Variants in KCNAB2 observed in about 807,000 individuals in gnomAD.
KCNAB2 encodes potassium voltage-gated channel subfamily A regulatory beta subunit 2, also known as voltage-gated potassium channel subunit beta-2.
KCNAB2 carries 29 observed loss-of-function variants against 63.6 expected under a neutral mutation model. The observed-to-expected ratio is 0.46, with a 90% CI of 0.34 to 0.62. KCNAB2 has a LOEUF of 0.62. KCNAB2 is among the 20% of genes least tolerant of loss of function. KCNAB2 has a pLI of 0.01. For synonymous variants in KCNAB2, 222 were observed against 224.2 expected, an observed-to-expected ratio of 0.99 and a Z score of 0.09; for missense variants, 359 against 563.9, an observed-to-expected ratio of 0.64 and a Z score of 3.68.
upstream of KCNAB2, among the ~76,000 whole-genome samples, chr1:6,044,570 G>T (rs1458476129): frequency 6.6e-6 from 1 of 152,168 alleles, no homozygotes; most frequent in Non-Finnish European, 1.5e-5. Flanking sequence ...AAGAGAGGCT[G>T]GCTGTAGAGG....
rs929311188 is a variant in KCNAB2, at chr1:6,073,246, T to G, written c.262+448T>G. Reference sequence around the variant, plus strand: ...GAATGTGCAGTCCCCACCTCCCCTCTGCATGCAGTACACACACCCCCACAC... The same window carrying G: ...GAATGTGCAGTCCCCACCTCCCCTCGGCATGCAGTACACACACCCCCACAC... On this transcript the variant is annotated intron_variant, in intron 3 of 15. Transcript: ENST00000378083. The surrounding 1 kb of genome is among the most constrained non-coding windows in gnomAD (Gnocchi z 5.7). Among the ~76,000 whole-genome samples the G allele has an allele frequency of 2.0e-5, 3 of 151,778 alleles. No homozygotes were observed. Among genetic ancestry groups the G allele is most frequent in the Non-Finnish European group, 4.4e-5 (3 of 67,978 alleles).
Position 6,073,817 on chromosome 1 carries a change from C to G in KCNAB2, c.300+47C>G. On this transcript the variant is annotated intron_variant, in intron 4 of 15. Coordinates refer to ENST00000378083, the MANE Select transcript of KCNAB2 (RefSeq NM_001199862.2). This position sits in a 1 kb window ranked among gnomAD's most constrained non-coding sequence, Gnocchi z 5.7. ...ACCCCAGAACCCAGCACGGGCTCGC[C>G]AGAGCACATGGTTAAGTCTGCCGCG... The G allele has an allele frequency of 6.3e-7, 1 of 1,593,220 alleles. No individual in the cohort carries two copies. Among genetic ancestry groups the G allele is most frequent in the South Asian group, 1.1e-5 (1 of 90,706 alleles).
chr1:6,064,826 GA>G (rs1295438717), intron 2 of KCNAB2, among the ~76,000 whole-genome samples: 1 of 152,236 alleles, frequency 6.6e-6, no homozygotes, highest in Non-Finnish European at 1.5e-5. Flanking sequence ...GTGTGAGGGG[GA>G]CACTTGGGAT....
upstream of KCNAB2, among the ~76,000 whole-genome samples, chr1:6,030,708 G>A (rs1162411542): frequency 6.6e-6 from 1 of 151,558 alleles, no homozygotes; most frequent in Non-Finnish European, 1.5e-5. Context: ...GTGTGTATGT[G>A]TGTAGGTATG....
At chr1:6,088,917 T>A in intron 7 of KCNAB2, 91 bp from the exon 8 acceptor site, 1 of 1,239,534 alleles carries the variant, frequency 8.1e-7, no homozygotes, top group Non-Finnish European at 1.1e-6. Context: ...ACCCTGTTTT[T>A]GCGTCTAACA....
At chr1:5,998,868 G>A (rs991263200) in intron 1 of KCNAB2, among the ~76,000 whole-genome samples, 1 of 152,206 alleles carries the variant, frequency 6.6e-6, no homozygotes, top group Non-Finnish European at 1.5e-5. Flanking sequence ...AAGCTACTAG[G>A]CGCAGGAGCC....
At chr1:6,032,582 AAAAG>A (rs554375792), upstream of KCNAB2, among the ~76,000 whole-genome samples, 544 of 151,808 alleles carry the variant, frequency 3.6e-3, 4 homozygotes, top group African/African-American at 0.012. Context: ...TTAAAAAAAA[AAAAG>A]AGAGAGAGAG....
intron 2 of KCNAB2, among the ~76,000 whole-genome samples, chr1:6,056,652 C>T (rs1301160259): frequency 6.6e-6 from 1 of 152,206 alleles, no homozygotes; most frequent in Non-Finnish European, 1.5e-5. Context: ...TCTACGTGGC[C>T]CTAGCCTGCC....
intron 7 of KCNAB2, among the ~76,000 whole-genome samples, chr1:6,088,798 C>T (rs1664925739): frequency 6.6e-6 from 1 of 151,362 alleles, no homozygotes; most frequent in East Asian, 1.9e-4. Flanking sequence ...CTGCCCCCCT[C>T]CCCTCTGAGC....
At chr1:6,004,437 T>C (rs1657438210) in intron 1 of KCNAB2, among the ~76,000 whole-genome samples, 1 of 152,006 alleles carries the variant, frequency 6.6e-6, no homozygotes, top group Middle Eastern at 3.2e-3. Context: ...AACAGCATTA[T>C]TTATTCTCTC....
At chr1:6,005,448 G>A (rs549476764) in intron 1 of KCNAB2, among the ~76,000 whole-genome samples, 13 of 148,428 alleles carry the variant, frequency 8.8e-5, no homozygotes, top group South Asian at 2.1e-4. Context: ...CTGAGCTGAG[G>A]GGTGAGGGTG....
chr1:5,994,159 CT>C lies in KCNAB2; in HGVS notation c.-53+1373del, dbSNP rs1422578270. ...TTCAGGATTTTTTCTTTCTCTGCAA[CT>C]TCTCCTCCCCGACAAAAACCCCAGC... On this transcript the variant is annotated intron_variant, in intron 1 of 16. Transcript: ENST00000341524. This position sits in a 1 kb window ranked among gnomAD's most constrained non-coding sequence, Gnocchi z 5.4. 1.3e-5 allele frequency among the ~76,000 whole-genome samples: 2 copies of C among 152,216 alleles called. No individual in the cohort carries two copies. The highest frequency in any genetic ancestry group is 2.9e-5 in the Non-Finnish European group (2 of 68,032).
intron 2 of KCNAB2, among the ~76,000 whole-genome samples, chr1:6,054,809 T>C (rs1289104521): frequency 6.6e-6 from 1 of 152,226 alleles, no homozygotes; most frequent in Non-Finnish European, 1.5e-5. Flanking sequence ...AAATGAAGAC[T>C]TGGCCCACAG....
chr1:6,091,349 A>G (rs1199479413), intron 10 of KCNAB2, 42 bp downstream of exon 10: 3 of 1,376,086 alleles, frequency 2.2e-6, no homozygotes, highest in East Asian at 5.0e-5. Flanking sequence ...TCTGTGTCCA[A>G]GCTGCATTTT....
chr1:6,085,961 G>C, intron 6 of KCNAB2: 1 of 985,492 alleles, frequency 1.0e-6, no homozygotes. Context: ...AAAGGTCGCA[G>C]ATCGGGGGCC....
At chr1:5,993,208 C>G (rs567259211) in intron 1 of KCNAB2, among the ~76,000 whole-genome samples, 1 of 151,900 alleles carries the variant, frequency 6.6e-6, no homozygotes, top group East Asian at 1.9e-4. Flanking sequence ...GCTGCTGTTC[C>G]CGGTCCTCCC....
chr1:6,064,246 C>T (rs938156698), intron 2 of KCNAB2, among the ~76,000 whole-genome samples: 1 of 152,232 alleles, frequency 6.6e-6, no homozygotes, highest in Non-Finnish European at 1.5e-5. Context: ...TTCCGTAGGT[C>T]AGGGGGATGC....
intron 4 of KCNAB2, among the ~76,000 whole-genome samples, chr1:6,079,203 C>G (rs1267545727): frequency 6.6e-6 from 1 of 152,170 alleles, no homozygotes; most frequent in Non-Finnish European, 1.5e-5. Flanking sequence ...TGCCCCTCCC[C>G]CACCCACTCT....
In KCNAB2 at chr1:6,035,281, C is replaced by T. The variant is rs1212755807; in HGVS notation, c.-53+487C>T. 1.7e-4 allele frequency among the ~76,000 whole-genome samples: 26 copies of T among 152,152 alleles called. No homozygotes were observed. The highest frequency in any genetic ancestry group is 1.6e-3 in the Admixed American group (25 of 15,278). On this transcript the variant is annotated intron_variant, in intron 1 of 15. Coordinates refer to the KCNAB2 transcript ENST00000164247. This position sits in a 1 kb window ranked among gnomAD's most constrained non-coding sequence, Gnocchi z 5.0. ...GATGTGGCTAGAAAGGTTGTGGACC[C>T]ACTGTTGAGATTGGACTTTGGCTCT...
Sources: allele counts gnomAD v4.1 joint callset (sites outside exome capture counted in the v4.1 genomes callset), GRCh38; gene constraint gnomAD v4.1.1; non-coding constraint Gnocchi (gnomAD v3.1); transcripts MANE v1.5; gene names NCBI Gene and HGNC (gene_info 2026-07-23, HGNC 2026-07-21).